The following DTNA variants were observed in gnomAD, a reference collection of about 807,000 sequenced individuals.
DTNA encodes dystrobrevin alpha, also known as dystrophin-related protein 3.
Under a neutral mutation model 100.7 loss-of-function variants are expected in DTNA, and 43 were observed. The ratio of observed to expected loss-of-function variants is 0.43; its 90% CI spans 0.33 to 0.55. DTNA has a LOEUF of 0.55. Ranked by LOEUF, DTNA falls within the 20% of genes least tolerant of loss-of-function variation. DTNA has a pLI of 0.04. For missense variants in DTNA, 798 were observed against 953.9 expected, an observed-to-expected ratio of 0.84 and a Z score of 2.15; for synonymous variants, 349 against 347.9, an observed-to-expected ratio of 1.00 and a Z score of -0.04.
chr18:34,524,741 A>G (rs2042449667), intron 1 of DTNA, among the ~76,000 whole-genome samples: 1 of 151,912 alleles, frequency 6.6e-6, no homozygotes, highest in Non-Finnish European at 1.5e-5. Context: ...AACTTTTTAG[A>G]GACACAAGAG....
intron 21 of DTNA, among the ~76,000 whole-genome samples, chr18:34,884,219 T>C (rs2096901040): frequency 6.6e-6 from 1 of 152,208 alleles, no homozygotes; most frequent in South Asian, 2.1e-4. Flanking sequence ...TGTATTTCAG[T>C]GGCAGCAGTA....
chr18:34,868,916 G>A (rs1192405551), intron 17 of DTNA: 3 of 360,208 alleles, frequency 8.3e-6, no homozygotes, highest in Non-Finnish European at 1.2e-5. Context: ...GGCAGCTGGG[G>A]TATAATTGCA....
chr18:34,829,115 C>T, intron 10 of DTNA: 3 of 1,614,034 alleles, frequency 1.9e-6, no homozygotes, highest in East Asian at 2.2e-5. Context: ...TCCTATAATA[C>T]TTTGAGCTGT....
intron 21 of DTNA, 123 bp downstream of exon 21, chr18:34,882,324 T>G (rs1437557523): frequency 7.8e-7 from 1 of 1,289,702 alleles, no homozygotes; most frequent in Non-Finnish European, 1.1e-6. Context: ...CAAAATACAC[T>G]GATTTCACTC....
chr18:34,542,152 A>G (rs908468437), intron 1 of DTNA, among the ~76,000 whole-genome samples: 1 of 151,984 alleles, frequency 6.6e-6, no homozygotes, highest in Non-Finnish European at 1.5e-5. Flanking sequence ...AAGTTGTTCC[A>G]TTTTTACTGA....
chr18:34,759,851 G>A (rs1568432221), intron 2 of DTNA: 2 of 152,184 alleles, frequency 1.3e-5, no homozygotes, highest in South Asian at 2.1e-4. Flanking sequence ...GCTAATTTTT[G>A]TATTTTTAGT....
intron 1 of DTNA, among the ~76,000 whole-genome samples, chr18:34,592,812 G>T (rs2049892330): frequency 6.6e-6 from 1 of 152,014 alleles, no homozygotes; most frequent in African/African-American, 2.4e-5. Context: ...GCCATCCTCT[G>T]TAAAATTACA....
At chr18:34,513,117 G>A (rs926774342) in intron 1 of DTNA, among the ~76,000 whole-genome samples, 5 of 152,018 alleles carry the variant, frequency 3.3e-5, no homozygotes, top group East Asian at 1.9e-4. Context: ...TTAGAGCTCC[G>A]TTTATTTTCC....
intron 1 of DTNA, among the ~76,000 whole-genome samples, chr18:34,579,201 C>G (rs901745933): frequency 2.0e-4 from 31 of 152,028 alleles, no homozygotes; most frequent in Non-Finnish European, 8.8e-5. Context: ...TTGCTTTCTT[C>G]TGGTCATGTA....
At chr18:34,727,689 G>A (rs1292479607) in intron 1 of DTNA, among the ~76,000 whole-genome samples, 1 of 151,878 alleles carries the variant, frequency 6.6e-6, no homozygotes. Context: ...CTCAGCCTCC[G>A]AAGTAGTTGG....
At chr18:34,602,776 C>T (rs2052185923) in intron 1 of DTNA, among the ~76,000 whole-genome samples, 1 of 151,778 alleles carries the variant, frequency 6.6e-6, no homozygotes, top group Non-Finnish European at 1.5e-5. Context: ...CTTTGGGAGG[C>T]CGCCGGATCA....
At chr18:34,651,610 G>A (rs1045418392) in intron 1 of DTNA, among the ~76,000 whole-genome samples, 4 of 152,132 alleles carry the variant, frequency 2.6e-5, no homozygotes, top group Non-Finnish European at 5.9e-5. Context: ...CTGCCAGAAG[G>A]GCAAGGTCTC....
intron 1 of DTNA, among the ~76,000 whole-genome samples, chr18:34,600,814 T>G (rs925719131): frequency 6.6e-6 from 1 of 152,240 alleles, no homozygotes; most frequent in Non-Finnish European, 1.5e-5. Context: ...ACTCTCAATT[T>G]CAGTGACATA....
intron 1 of DTNA, among the ~76,000 whole-genome samples, chr18:34,590,487 C>T (rs762240855): frequency 6.6e-6 from 1 of 152,098 alleles, no homozygotes; most frequent in Non-Finnish European, 1.5e-5. Flanking sequence ...TAACAGAGGT[C>T]GTTTGCTTTT....
intron 1 of DTNA, among the ~76,000 whole-genome samples, chr18:34,547,640 T>A (rs2044941403): frequency 6.6e-6 from 1 of 152,156 alleles, no homozygotes; most frequent in Non-Finnish European, 1.5e-5. Flanking sequence ...CTGTTATCCT[T>A]GAGTGAATTG....
intron 17 of DTNA, among the ~76,000 whole-genome samples, chr18:34,864,343 C>T (rs1462135573): frequency 6.6e-6 from 1 of 151,688 alleles, no homozygotes; most frequent in Admixed American, 6.6e-5. Context: ...CTCCGCCTCC[C>T]GGGTTCACGC....
At chr18:34,881,437 C>CTTTTTTTTTTTT (rs752828928) in intron 20 of DTNA, among the ~76,000 whole-genome samples, 8 of 51,398 alleles carry the variant, frequency 1.6e-4, no homozygotes, top group African/African-American at 5.9e-4. Context: ...AATTAAAATG[C>CTTTTTTTTTTTT]TTTTTTTTTT....
intron 11 of DTNA, among the ~76,000 whole-genome samples, chr18:34,831,351 T>A (rs1043678749): frequency 6.6e-6 from 1 of 152,186 alleles, no homozygotes; most frequent in Non-Finnish European, 1.5e-5. Flanking sequence ...CTATATAACA[T>A]CTAGCCAGGT....
rs142817569 is a variant in DTNA, at chr18:34,779,169, T to G, written c.148+13128T>G. On this transcript the variant is annotated intron_variant, in intron 3 of 22. Coordinates refer to ENST00000444659, the MANE Select transcript of DTNA (RefSeq NM_001386795.1). The stretch of plus-strand genomic sequence containing the variant: ...GCATTCTAGCAAACAACACAACAAT[T>G]TCAGATAGGAGCAAGTAATCTAAGG... 7.9e-5 allele frequency among the ~76,000 whole-genome samples: 12 copies of G among 152,228 alleles called. No individual in the cohort carries two copies. In the East Asian group the frequency reaches 2.1e-3, roughly 27 times the overall value.
Sources: allele counts gnomAD v4.1 joint callset (sites outside exome capture counted in the v4.1 genomes callset), GRCh38; gene constraint gnomAD v4.1.1; transcripts MANE v1.5; gene names NCBI Gene and HGNC (gene_info 2026-07-23, HGNC 2026-07-21).